Variants in CD226 observed in about 807,000 individuals in gnomAD.
CD226 encodes CD226 antigen.
In CD226, 24 loss-of-function variants were observed where a neutral mutation model predicts 34.9. That is an observed-to-expected ratio of 0.69 (90% CI 0.50 to 0.97). CD226 has a LOEUF of 0.97. Ranked by LOEUF, CD226 falls within the 50% of genes least tolerant of loss-of-function variation. The pLI is 0.00. For missense variants in CD226, 397 were observed against 412.7 expected (o/e 0.96, Z 0.33); for synonymous variants, 148 against 147.4 (o/e 1.00, Z -0.03).
chr18:69,924,509 T>C (rs2055495216), intron 2 of CD226, among the ~76,000 whole-genome samples: 1 of 143,894 alleles, frequency 6.9e-6, no homozygotes, highest in Admixed American at 6.9e-5. Context: ...AGTAAAAGTA[T>C]AGTTGAAAAG....
intron 3 of CD226, among the ~76,000 whole-genome samples, chr18:69,878,266 T>C (rs1984002627): frequency 7.0e-6 from 1 of 143,672 alleles, no homozygotes; most frequent in Non-Finnish European, 1.5e-5. Flanking sequence ...GGAGGAGAAG[T>C]GTCTTGAACT....
At chr18:69,879,245 C>A (rs183176787) in intron 3 of CD226, among the ~76,000 whole-genome samples, 4 of 152,322 alleles carry the variant, frequency 2.6e-5, no homozygotes, top group African/African-American at 9.6e-5. Flanking sequence ...ACCAGTCTGA[C>A]TAGAATTCGC....
At chr18:69,870,905 C>T (rs1215473892) in intron 4 of CD226, among the ~76,000 whole-genome samples, 1 of 152,166 alleles carries the variant, frequency 6.6e-6, no homozygotes, top group Non-Finnish European at 1.5e-5. Flanking sequence ...GAAGTAACAA[C>T]CACAAACTGA....
intron 3 of CD226, among the ~76,000 whole-genome samples, chr18:69,893,965 A>T (rs1985053792): frequency 6.6e-6 from 1 of 152,208 alleles, no homozygotes; most frequent in Non-Finnish European, 1.5e-5. Flanking sequence ...ATATGAGCAA[A>T]GTCTATAAAG....
upstream of CD226, among the ~76,000 whole-genome samples, chr18:69,950,783 G>C (rs944258726): frequency 2.0e-5 from 3 of 152,048 alleles, no homozygotes; most frequent in African/African-American, 7.2e-5. Context: ...AATTCTAAGA[G>C]CGATTGGAGA....
In CD226 at chr18:69,947,438, T is replaced by A. The variant is rs374941897; in HGVS notation, c.-32A>T. 8.4e-6 allele frequency: 9 copies of A among 1,071,604 alleles called. No individual in the cohort carries two copies. The African/African-American group carries it at 9.0e-5, about 11-fold the overall frequency. The allele number at this position is 1,071,604 out of a possible 1,614,324, so 66.4% of individuals were successfully genotyped here. A position where few individuals can be genotyped will look rare whatever the true frequency, so the allele number is the denominator to read the frequency against. ...AAACTGTTTGAAAGGCTGGTTCTAT[T>A]AAAAAAAAAAATTGCTTTTTATAAT... is the stretch of plus-strand genomic sequence containing the variant. On this transcript the variant is annotated 5_prime_UTR_variant, in exon 1 of 6. Coordinates refer to ENST00000582621, the MANE Select transcript of CD226 (RefSeq NM_001303618.2).
chr18:69,914,408 C>A (rs920678751), intron 2 of CD226, among the ~76,000 whole-genome samples: 5 of 152,152 alleles, frequency 3.3e-5, no homozygotes, highest in African/African-American at 1.2e-4. Flanking sequence ...GTTCATGGAC[C>A]AAGAGGAGAA....
At chr18:69,960,549 AAG>A (rs1467633075), upstream of CD226, among the ~76,000 whole-genome samples, 1 of 152,196 alleles carries the variant, frequency 6.6e-6, no homozygotes, top group African/African-American at 2.4e-5. Context: ...ACCTGGGTTC[AAG>A]TGATTCTCCT....
chr18:69,949,630 C>T (rs1257323104), upstream of CD226, among the ~76,000 whole-genome samples: 2 of 152,058 alleles, frequency 1.3e-5, no homozygotes, highest in African/African-American at 4.8e-5. Flanking sequence ...CACTCACGTG[C>T]TCAAATGCAT....
intron 2 of CD226, among the ~76,000 whole-genome samples, chr18:69,906,172 T>C (rs1462006228): frequency 2.0e-5 from 3 of 152,164 alleles, no homozygotes; most frequent in Non-Finnish European, 2.9e-5. Context: ...TGATATAATG[T>C]TAGAAATGGG....
chr18:69,885,826 A>G (rs2145218621), intron 3 of CD226, among the ~76,000 whole-genome samples: 1 of 152,128 alleles, frequency 6.6e-6, no homozygotes, highest in East Asian at 1.9e-4. Flanking sequence ...ACAAGCCCCT[A>G]GAAGGAAGAC....
At chr18:69,871,859 T>TG (rs756266936) in intron 4 of CD226, among the ~76,000 whole-genome samples, 22 of 152,108 alleles carry the variant, frequency 1.4e-4, no homozygotes, top group Non-Finnish European at 2.9e-4. Context: ...CCAAAGATAT[T>TG]GAACAGGAAG....
At chr18:69,880,337 AAAGAAAGAAAGAAAGAAAGAAAGGAAGG>A (rs1213635926) in intron 3 of CD226, among the ~76,000 whole-genome samples, 3 of 93,958 alleles carry the variant, frequency 3.2e-5, no homozygotes, top group Non-Finnish European at 6.9e-5. Context: ...AGAGAGAAAG[AAAGAAAGAAAGAAAGAAAGAAAGGAAGG>A]AAGGAAGGAA....
chr18:69,957,350 C>CTTTTTTTTTTTTTT (rs11373057), upstream of CD226, among the ~76,000 whole-genome samples: 1 of 149,464 alleles, frequency 6.7e-6, no homozygotes. Context: ...TCTAGATACT[C>CTTTTTTTTTTTTTT]TTTTTTTTTT....
chr18:69,899,084 A>T (rs560741467), intron 2 of CD226, among the ~76,000 whole-genome samples: 3 of 152,348 alleles, frequency 2.0e-5, no homozygotes, highest in African/African-American at 7.2e-5. Context: ...TATCATGATT[A>T]AATATTCTCT....
chr18:69,930,111 G>A (rs2055571491), intron 2 of CD226, among the ~76,000 whole-genome samples: 1 of 152,086 alleles, frequency 6.6e-6, no homozygotes, highest in South Asian at 2.1e-4. Context: ...GGAAGATGAT[G>A]GGCTACATTA....
intron 2 of CD226, among the ~76,000 whole-genome samples, chr18:69,939,795 A>C (rs2055700635): frequency 6.6e-6 from 1 of 152,192 alleles, no homozygotes; most frequent in South Asian, 2.1e-4. Flanking sequence ...GGTGAGCCTA[A>C]TTCAACAAAA....
chr18:69,887,864 T>G (rs1984652689), intron 3 of CD226, among the ~76,000 whole-genome samples: 1 of 152,224 alleles, frequency 6.6e-6, no homozygotes, highest in Non-Finnish European at 1.5e-5. Context: ...CCAAAAAAAC[T>G]TATATTCCTG....
rs1163499912 is a variant in CD226, at chr18:69,854,716, G to C, written c.*9598C>G. Reference sequence around the variant, plus strand: ...GCAGCCAGGAAAGAGAGTTGAGGATGAGGAAGCAATACCACTGGAGAAGCT... The same window carrying C: ...GCAGCCAGGAAAGAGAGTTGAGGATCAGGAAGCAATACCACTGGAGAAGCT... On this transcript the variant is annotated 3_prime_UTR_variant, in exon 6 of 6. Coordinates refer to ENST00000582621, the MANE Select transcript of CD226 (RefSeq NM_001303618.2). 1 of 152,380 alleles carries C rather than the reference G, an allele frequency of 6.6e-6. No individual in the cohort carries two copies. Among genetic ancestry groups the C allele is most frequent in the Non-Finnish European group, 1.5e-5 (1 of 68,186 alleles). The allele number at this position is 152,380 out of a possible 1,614,324, so 9.4% of individuals were successfully genotyped here.
Sources: allele counts gnomAD v4.1 joint callset (sites outside exome capture counted in the v4.1 genomes callset), GRCh38; gene constraint gnomAD v4.1.1; transcripts MANE v1.5; gene names NCBI Gene and HGNC (gene_info 2026-07-23, HGNC 2026-07-21).